The following DNAH3 variants were observed in gnomAD, a reference collection of about 807,000 sequenced individuals.
The protein encoded by DNAH3 is axonemal beta dynein heavy chain 3.
DNAH3 carries 332 observed loss-of-function variants against 432.5 expected under a neutral mutation model. That is an observed-to-expected ratio of 0.77 (90% CI 0.70 to 0.84). The LOEUF (loss-of-function observed/expected upper bound fraction) is 0.84. Ranked by LOEUF, DNAH3 falls within the 40% of genes least tolerant of loss-of-function variation. DNAH3 has a pLI of 0.00. For missense variants in DNAH3, 4,861 were observed against 5,114.0 expected, an observed-to-expected ratio of 0.95 and a Z score of 1.51; for synonymous variants, 1,956 against 1,900.2, an observed-to-expected ratio of 1.03 and a Z score of -0.76.
Position 21,024,706 on chromosome 16 carries a change from G to A in DNAH3, c.5541-5C>T. On this transcript the variant is annotated splice_region_variant and splice_polypyrimidine_tract_variant and intron_variant, in intron 38 of 61. Coordinates refer to ENST00000261383, the Ensembl canonical transcript of DNAH3. ...TCCATGTAGATCATCCCACACCTGG[G>A]AAGCACAGAGGACCAGTTTAGGTGC... is the stretch of plus-strand genomic sequence containing the variant. 3 of 1,612,282 alleles carry A rather than the reference G, an allele frequency of 1.9e-6. No homozygotes were observed. The highest frequency in any genetic ancestry group is 2.2e-5 in the South Asian group (2 of 91,008).
At chr16:20,974,256 C>T (rs1441915029) in intron 51 of DNAH3, among the ~76,000 whole-genome samples, 3 of 151,982 alleles carry the variant, frequency 2.0e-5, no homozygotes, top group African/African-American at 7.3e-5. Flanking sequence ...CTTGGCTGGT[C>T]TTGAACTCCA....
chr16:21,069,291 T>C (rs766444393), intron 23 of DNAH3, 124 bp downstream of exon 23: 11 of 833,448 alleles, frequency 1.3e-5, no homozygotes, highest in Non-Finnish European at 1.9e-5. Context: ...TAGAAGAAGA[T>C]ATAAAAAGAT....
At chr16:20,980,241 A>ATATAATATACATCATATATTATAT (rs1248797631) in intron 49 of DNAH3, among the ~76,000 whole-genome samples, 89 of 97,818 alleles carry the variant, frequency 9.1e-4, no homozygotes, top group Middle Eastern at 5.5e-3. Flanking sequence ...TATATTATAT[A>ATATAATATACATCATATATTATAT]TATAATATAC....
chr16:21,060,546 TAC>T (rs2090318056), intron 25 of DNAH3, among the ~76,000 whole-genome samples, 190 bp from the exon 26 acceptor site: 2 of 130,314 alleles, frequency 1.5e-5, no homozygotes, highest in Non-Finnish European at 3.2e-5. Flanking sequence ...TTTTTTTTGA[TAC>T]AGAGTCTCGC....
At chr16:20,963,709 ACCT>A (rs2084924156) in exon 53 of DNAH3, 1 of 1,613,402 alleles carries the variant, frequency 6.2e-7, no homozygotes. Flanking sequence ...GAAGTACCAC[ACCT>A]CCTCCGTAAT....
At chr16:20,972,637 AG>A (rs2085394744) in intron 51 of DNAH3, among the ~76,000 whole-genome samples, 1 of 151,956 alleles carries the variant, frequency 6.6e-6, no homozygotes, top group African/African-American at 2.4e-5. Context: ...TGACTCTGAC[AG>A]GGATCAGACC....
At chr16:21,076,091 T>A (rs2090966069) in intron 20 of DNAH3, among the ~76,000 whole-genome samples, 1 of 152,154 alleles carries the variant, frequency 6.6e-6, no homozygotes, top group Non-Finnish European at 1.5e-5. Flanking sequence ...GGCTGTGTTA[T>A]GGGTTAAATA....
chr16:21,037,690 C>A, intron 34 of DNAH3, 71 bp downstream of exon 34: 1 of 1,350,148 alleles, frequency 7.4e-7, no homozygotes, highest in South Asian at 1.3e-5. Flanking sequence ...ATGGGGAAGG[C>A]ACCAAACACA....
chr16:20,934,739 CT>C (rs564641505), intron 61 of DNAH3, among the ~76,000 whole-genome samples: 6 of 151,968 alleles, frequency 3.9e-5, no homozygotes, highest in Non-Finnish European at 7.4e-5. Context: ...ATGGTTTTAT[CT>C]TTTTTTCAAT....
intron 28 of DNAH3, among the ~76,000 whole-genome samples, 159 bp downstream of exon 28, chr16:21,054,261 T>C (rs2152745865): frequency 6.6e-6 from 1 of 152,266 alleles, no homozygotes; most frequent in African/African-American, 2.4e-5. Flanking sequence ...GGTGGAGGGA[T>C]GCAGAGCCCT....
intron 61 of DNAH3, among the ~76,000 whole-genome samples, chr16:20,933,897 A>G (rs2083497371): frequency 6.6e-6 from 1 of 152,246 alleles, no homozygotes; most frequent in African/African-American, 2.4e-5. Flanking sequence ...TGGGGAGAAT[A>G]AAGCCTTGAT....
chr16:21,157,460 G>A (rs1292556665), intron 1 of DNAH3, among the ~76,000 whole-genome samples: 1 of 151,092 alleles, frequency 6.6e-6, no homozygotes, highest in Non-Finnish European at 1.5e-5. Context: ...CTCCCGAGTA[G>A]CTGGGATTAC....
intron 47 of DNAH3, 42 bp from the exon 48 acceptor site, chr16:20,985,757 C>A: frequency 6.3e-7 from 1 of 1,585,334 alleles, no homozygotes; most frequent in Non-Finnish European, 8.6e-7. Flanking sequence ...CAGTGAATGG[C>A]CCAGCCAGGC....
intron 26 of DNAH3, 37 bp downstream of exon 26, chr16:21,060,227 C>G (rs766189328): frequency 1.5e-5 from 23 of 1,520,364 alleles, no homozygotes; most frequent in Non-Finnish European, 2.0e-5. Context: ...CTTTAGTGCA[C>G]TAGTGTCCTG....
chr16:20,943,120 G>A (rs988576815), intron 58 of DNAH3, among the ~76,000 whole-genome samples: 6 of 151,710 alleles, frequency 4.0e-5, no homozygotes, highest in East Asian at 1.9e-4. Context: ...TCACTCTGTC[G>A]CCTAGGCTGG....
At chr16:21,005,743 G>C (rs745698394) in intron 41 of DNAH3, among the ~76,000 whole-genome samples, 2 of 151,500 alleles carry the variant, frequency 1.3e-5, no homozygotes, top group African/African-American at 4.9e-5. Flanking sequence ...TTACGTGTTT[G>C]AGAATGACCG....
chr16:20,968,506 C>G (rs1290834161), intron 52 of DNAH3, among the ~76,000 whole-genome samples: 1 of 152,198 alleles, frequency 6.6e-6, no homozygotes, highest in Non-Finnish European at 1.5e-5. Flanking sequence ...AGGCACTGGT[C>G]TTAATGCAAA....
At chr16:21,023,296 G>A (rs559520105) in intron 39 of DNAH3, among the ~76,000 whole-genome samples, 1 of 152,252 alleles carries the variant, frequency 6.6e-6, no homozygotes, top group South Asian at 2.1e-4. Context: ...CAATGGAAAA[G>A]GTAGACAAGG....
intron 32 of DNAH3, among the ~76,000 whole-genome samples, chr16:21,041,158 G>A (rs2089424539): frequency 6.6e-6 from 1 of 152,168 alleles, no homozygotes; most frequent in South Asian, 2.1e-4. Flanking sequence ...ATTGCCTGAG[G>A]TCAGGAGTTT....
Sources: gnomAD v4.1 joint callset for allele counts (sites outside exome capture counted in the v4.1 genomes callset) on GRCh38, gnomAD v4.1.1 for gene constraint, MANE v1.5 for transcripts, NCBI Gene and HGNC (gene_info 2026-07-23, HGNC 2026-07-21) for gene names.